OPHN1: variants seen among roughly 807,000 people sequenced by gnomAD.
OPHN1 encodes oligophrenin-1.
OPHN1 carries 11 observed loss-of-function variants against 60.7 expected under a neutral mutation model. The observed-to-expected ratio is 0.18, with a 90% CI of 0.11 to 0.30. The LOEUF (loss-of-function observed/expected upper bound fraction) is 0.30. OPHN1 is among the 10% of genes least tolerant of loss of function. The pLI is 1.00. For missense variants in OPHN1, 449 were observed against 611.0 expected, an observed-to-expected ratio of 0.73 and a Z score of 2.80; for synonymous variants, 226 against 222.6, an observed-to-expected ratio of 1.02 and a Z score of -0.14.
intron 15 of OPHN1, among the ~76,000 whole-genome samples, chrX:68,125,930 A>AATATATATATAC (rs752387295): frequency 9.0e-5 from 2 of 22,260 alleles, no homozygotes; most frequent in Non-Finnish European, 2.1e-4. Context: ...ACCACTGATC[A>AATATATATATAC]ATATATATAT....
intron 21 of OPHN1, among the ~76,000 whole-genome samples, chrX:68,063,233 A>G (rs2076899779): frequency 9.0e-6 from 1 of 111,211 alleles, no homozygotes; most frequent in African/African-American, 3.3e-5. Flanking sequence ...GGAATAATAC[A>G]TTCTTGGCCA....
intron 3 of OPHN1, among the ~76,000 whole-genome samples, chrX:68,295,819 C>G (rs2078092145): frequency 8.9e-6 from 1 of 111,961 alleles, no homozygotes; most frequent in Non-Finnish European, 1.9e-5. Flanking sequence ...TAACGAGTAC[C>G]TACAATGCTA....
At chrX:68,367,371 A>AC (rs1455870030) in intron 2 of OPHN1, among the ~76,000 whole-genome samples, 1 of 107,641 alleles carries the variant, frequency 9.3e-6, no homozygotes, top group African/African-American at 3.4e-5. Flanking sequence ...AAAAAAAAAA[A>AC]ACACAAGCAG....
At chrX:68,288,914 G>A (rs2147614416) in intron 3 of OPHN1, among the ~76,000 whole-genome samples, 1 of 111,801 alleles carries the variant, frequency 8.9e-6, no homozygotes, top group African/African-American at 3.2e-5. Context: ...ATTAATTACA[G>A]CATCTTCTAA....
At chrX:68,090,949 T>C (rs1477935853) in intron 19 of OPHN1, among the ~76,000 whole-genome samples, 1 of 111,443 alleles carries the variant, frequency 9.0e-6, no homozygotes, top group African/African-American at 3.3e-5. Context: ...CCTTCCTGTA[T>C]GATTAAAAAG....
At chrX:68,108,427 T>C (rs2077090469) in intron 18 of OPHN1, among the ~76,000 whole-genome samples, 1 of 112,332 alleles carries the variant, frequency 8.9e-6, no homozygotes, top group Non-Finnish European at 1.9e-5. Context: ...TCTTGTTGCT[T>C]TCTCTTTAAA....
At chrX:68,218,363 T>C (rs1423969627) in intron 6 of OPHN1, among the ~76,000 whole-genome samples, 1 of 99,517 alleles carries the variant, frequency 1.0e-5, no homozygotes, top group Non-Finnish European at 2.0e-5. Flanking sequence ...CTGCAGGATA[T>C]TATCCAAGAG....
intron 21 of OPHN1, among the ~76,000 whole-genome samples, chrX:68,061,692 G>A (rs2076893616): frequency 9.0e-6 from 1 of 111,515 alleles, no homozygotes; most frequent in Admixed American, 9.5e-5. Flanking sequence ...CAGGTGAACT[G>A]TTTTCCCATT....
chrX:68,171,290 TA>T (rs1569232521), intron 15 of OPHN1, among the ~76,000 whole-genome samples: 2 of 110,345 alleles, frequency 1.8e-5, no homozygotes, highest in Admixed American at 9.7e-5. Flanking sequence ...AAAAAAAATT[TA>T]AAAAAATGAA....
At chrX:68,311,900 C>A (rs2078175308) in intron 2 of OPHN1, among the ~76,000 whole-genome samples, 2 of 111,488 alleles carry the variant, frequency 1.8e-5, no homozygotes, top group African/African-American at 6.5e-5. Flanking sequence ...CTCCATCCCA[C>A]AACAATAAAA....
At chrX:68,194,988 G>GAAAAGAA (rs1296543027) in intron 12 of OPHN1, among the ~76,000 whole-genome samples, 5 of 84,422 alleles carry the variant, frequency 5.9e-5, no homozygotes, top group African/African-American at 2.5e-4. Flanking sequence ...AAGAAAGAAA[G>GAAAAGAA]AGAGAGAGAG....
intron 2 of OPHN1, among the ~76,000 whole-genome samples, chrX:68,379,576 T>C (rs374157124): frequency 0.026 from 2,795 of 105,621 alleles, 55 homozygotes; most frequent in Non-Finnish European, 0.039. Context: ...TTGTCATAGA[T>C]AGCTCTTATT....
In OPHN1 at chrX:68,197,284, T is replaced by A. The variant is rs1313392435; in HGVS notation, c.1026-20A>T. On this transcript the variant is annotated intron_variant, in intron 11 of 24. Transcript: ENST00000355520. ...CCTGGCCTGAGGGGGAAAAAAATGG[T>A]AAGTATAAAGCAGAAAATTCAACTG... The A allele has an allele frequency of 4.3e-6, 5 of 1,164,668 alleles. No individual in the cohort carries two copies. In the African/African-American group the frequency reaches 8.9e-5, roughly 21 times the overall value.
rs372771237 is a variant in OPHN1 at position 68,343,222 on chromosome X, C to G, written c.155-44126G>C. Among the ~76,000 whole-genome samples, 23 of 100,462 alleles carry G rather than the reference C, an allele frequency of 2.3e-4. No individual in the cohort carries two copies. The East Asian group carries it at 5.8e-3, about 25-fold the overall frequency. The allele number at this position is 100,462 out of a possible 115,157, so 87.2% of individuals were successfully genotyped here. A position where few individuals can be genotyped will look rare whatever the true frequency, so the allele number is the denominator to read the frequency against. On this transcript the variant is annotated intron_variant, in intron 2 of 24. Coordinates refer to ENST00000355520, the MANE Select transcript of OPHN1 (RefSeq NM_002547.3). The stretch of plus-strand genomic sequence containing the variant: ...CCAGGAGGTGGAGGTTACAGTGAGT[C>G]GAGATCATGCCATTGCATTCCAGCC...
At chrX:68,422,757 A>AGG (rs2078834677) in intron 2 of OPHN1, among the ~76,000 whole-genome samples, 3 of 78,019 alleles carry the variant, frequency 3.8e-5, no homozygotes, top group Non-Finnish European at 5.2e-5. Flanking sequence ...GGATGAAAGA[A>AGG]GAAAGGGAAA....
At position 68,375,869 on chromosome X, in the gene OPHN1, C is replaced by G. The variant is rs2078554309; in HGVS notation, c.154+56998G>C. Among the ~76,000 whole-genome samples the G allele has an allele frequency of 2.7e-5, 3 of 111,033 alleles. No individual in the cohort carries two copies. In the South Asian group the frequency reaches 1.2e-3, roughly 43 times the overall value. On this transcript the variant is annotated intron_variant, in intron 2 of 24. Coordinates refer to ENST00000355520, the MANE Select transcript of OPHN1 (RefSeq NM_002547.3). Reference sequence around the variant, plus strand: ...TTTTATGGATGAGAAAACTGAGGCACAGAGAGATGAAACGACTTATTTCCA... The same window carrying G: ...TTTTATGGATGAGAAAACTGAGGCAGAGAGAGATGAAACGACTTATTTCCA...
intron 15 of OPHN1, among the ~76,000 whole-genome samples, chrX:68,184,452 G>T (rs2077452696): frequency 9.3e-6 from 1 of 107,179 alleles, no homozygotes; most frequent in Admixed American, 9.9e-5. Context: ...AACCCAGGAG[G>T]CGGAGGCTGT....
chrX:68,354,417 C>T (rs1194108699), intron 2 of OPHN1, among the ~76,000 whole-genome samples: 2 of 94,141 alleles, frequency 2.1e-5, no homozygotes, highest in Non-Finnish European at 4.2e-5. Flanking sequence ...ACCACCACTG[C>T]ACTCCAGCCT....
intron 2 of OPHN1, among the ~76,000 whole-genome samples, chrX:68,333,771 A>T (rs1327725193): frequency 9.0e-6 from 1 of 111,258 alleles, no homozygotes; most frequent in Non-Finnish European, 1.9e-5. Context: ...CACAGTGAGT[A>T]CCTCTCTATT....
Sources: gnomAD v4.1 joint callset for allele counts (sites outside exome capture counted in the v4.1 genomes callset) on GRCh38, gnomAD v4.1.1 for gene constraint, MANE v1.5 for transcripts, NCBI Gene and HGNC (gene_info 2026-07-23, HGNC 2026-07-21) for gene names.